NCAPD3: variants seen among roughly 807,000 people sequenced by gnomAD.
The protein encoded by NCAPD3 is non-SMC condensin II complex subunit D3, also known as condensin-2 complex subunit D3.
NCAPD3 carries 105 observed loss-of-function variants against 182.9 expected under a neutral mutation model. That is an observed-to-expected ratio of 0.57 (90% CI 0.49 to 0.68). The LOEUF is 0.68. NCAPD3 is among the 30% of genes least tolerant of loss of function. The pLI is 0.00. For missense variants in NCAPD3, 1,944 were observed against 1,837.0 expected (o/e 1.06, Z -1.07); for synonymous variants, 815 against 679.9 (o/e 1.20, Z -3.09).
At chr11:134,170,341 ATGT>A (rs372145521) in intron 24 of NCAPD3, among the ~76,000 whole-genome samples, 19 of 152,352 alleles carry the variant, frequency 1.2e-4, no homozygotes, top group African/African-American at 4.1e-4. Context: ...TGTACAAATT[ATGT>A]TGTTTAATGA....
At chr11:134,181,210 G>GA (rs1944289170) in intron 19 of NCAPD3, 26 bp from the exon 20 acceptor site, 4 of 1,503,722 alleles carry the variant, frequency 2.7e-6, no homozygotes, top group Non-Finnish European at 3.7e-6. Flanking sequence ...AGTCATCTCT[G>GA]AAGGGCCCCG....
intron 13 of NCAPD3, among the ~76,000 whole-genome samples, chr11:134,197,273 C>CTTTTTTTT (rs35691982): frequency 8.9e-6 from 1 of 111,976 alleles, no homozygotes; most frequent in South Asian, 3.0e-4. Context: ...AGTCTCACAT[C>CTTTTTTTT]TTTTTTTTTT....
chr11:134,170,215 T>C (rs1048499690), intron 24 of NCAPD3, among the ~76,000 whole-genome samples: 4 of 152,184 alleles, frequency 2.6e-5, no homozygotes, highest in Non-Finnish European at 5.9e-5. Context: ...CAGCTTGACC[T>C]AGAAATATGA....
At chr11:134,219,184 C>T (rs1316694331) in intron 2 of NCAPD3, among the ~76,000 whole-genome samples, 1 of 152,204 alleles carries the variant, frequency 6.6e-6, no homozygotes, top group African/African-American at 2.4e-5. Context: ...TGCCTTACAA[C>T]CCAAGCTTCT....
intron 27 of NCAPD3, among the ~76,000 whole-genome samples, chr11:134,163,177 G>A (rs371845586): frequency 3.9e-5 from 6 of 152,152 alleles, no homozygotes; most frequent in Non-Finnish European, 4.4e-5. Context: ...GAAGATGACA[G>A]GAAGCCACCA....
rs762186472 is a variant in NCAPD3, at chr11:134,192,827, T to C, written c.1907A>G (p.Gln636Arg). 8.1e-6 allele frequency: 13 copies of C among 1,614,090 alleles called. No individual in the cohort carries two copies. Among genetic ancestry groups the C allele is most frequent in the Non-Finnish European group, 1.0e-5 (12 of 1,180,020 alleles). ...PVVMDCESTV[Q>R]EKALEFLDQL... ...GTCCAGGAACTCCAGGGCCTTCTCC[T>C]GCACAGTGCTCTCGCAGTCCATCAC... The change falls in exon 16 of 35, where the codon CAG becomes CGG. Residue 636 changes from glutamine (Q) to arginine (R), a missense_variant. By Grantham distance (43) the Gln-to-Arg change is conservative. Around this residue, in one of 3 missense-constraint regions of NCAPD3, gnomAD observed 1,803 missense variants for 1,674.6 expected, o/e 1.08. Coordinates refer to ENST00000534548, the MANE Select transcript of NCAPD3 (RefSeq NM_015261.3).
At chr11:134,192,972 C>G (rs1944556028) in intron 15 of NCAPD3, 63 bp from the exon 16 acceptor site, 1 of 934,930 alleles carries the variant, frequency 1.1e-6, no homozygotes, top group African/African-American at 1.6e-5. Context: ...TTGTGATCAA[C>G]ATTTTGAGAT....
chr11:134,223,156 G>C, intron 1 of NCAPD3: 1 of 496,074 alleles, frequency 2.0e-6, no homozygotes, highest in Non-Finnish European at 3.6e-6. Context: ...CATTAAAGGT[G>C]TACAGGCTTG....
Position 134,204,016 on chromosome 11 carries a change from C to A in NCAPD3, c.1215+30G>T. On this transcript the variant is annotated intron_variant, in intron 10 of 34. Coordinates refer to ENST00000534548, the MANE Select transcript of NCAPD3 (RefSeq NM_015261.3). This position sits in a 1 kb window ranked among gnomAD's most constrained non-coding sequence, Gnocchi z 4.3. Reference sequence around the variant, plus strand: ...CCTTTTAAAAAGAGTTTAAAAAGGACCCAAGGTTTTATGCAGAGCTATCTC... The same window carrying A: ...CCTTTTAAAAAGAGTTTAAAAAGGAACCAAGGTTTTATGCAGAGCTATCTC... 2 of 1,609,506 alleles carry A rather than the reference C, an allele frequency of 1.2e-6. No individual in the cohort carries two copies. Among genetic ancestry groups the A allele is most frequent in the African/African-American group, 1.3e-5 (1 of 74,754 alleles).
chr11:134,170,563 G>A (rs894054428), intron 24 of NCAPD3, among the ~76,000 whole-genome samples: 16 of 152,156 alleles, frequency 1.1e-4, no homozygotes, highest in South Asian at 6.2e-4. Flanking sequence ...TCACATATAC[G>A]AAAATGTAAA....
At chr11:134,167,039 AGCT>A (rs1943844695) in intron 27 of NCAPD3, among the ~76,000 whole-genome samples, 2 of 95,982 alleles carry the variant, frequency 2.1e-5, no homozygotes, top group African/African-American at 1.0e-4. Flanking sequence ...AGCTTGGGGG[AGCT>A]GCACACTCAC....
Position 134,194,062 on chromosome 11 carries a change from A to G in NCAPD3, c.1778T>C (p.Val593Ala), listed in dbSNP as rs1308837348. Residue 593 changes from valine to alanine, a missense_variant, in exon 15 of 35, where the codon GTG becomes GCG. Physicochemically the swap from Val to Ala is moderately conservative, Grantham distance 64. Transcript: ENST00000534548. ...ILQDQCRDPA[V>A]SVRKQALQSL... Reference sequence around the variant, plus strand: ...CTGGAGGGCCTGCTTCCGGACAGACACTGCAGGGTCCCGACACTGGTCCTG... The same window carrying G: ...CTGGAGGGCCTGCTTCCGGACAGACGCTGCAGGGTCCCGACACTGGTCCTG... 4 of 1,614,174 alleles carry G rather than the reference A, an allele frequency of 2.5e-6. No homozygotes were observed.
intron 32 of NCAPD3, 40 bp from the exon 33 acceptor site, chr11:134,153,403 G>T: frequency 6.3e-7 from 1 of 1,596,186 alleles, no homozygotes; most frequent in Non-Finnish European, 8.6e-7. Flanking sequence ...AAGCCGCGTG[G>T]TCTATCGGAG....
At chr11:134,198,759 G>T (rs557351506) in intron 13 of NCAPD3, among the ~76,000 whole-genome samples, 11 of 152,272 alleles carry the variant, frequency 7.2e-5, no homozygotes, top group Admixed American at 6.5e-4. Flanking sequence ...TGGCAAGGTT[G>T]CAGGACAGAA....
At chr11:134,202,709 G>T in intron 13 of NCAPD3, 107 bp downstream of exon 13, 1 of 824,522 alleles carries the variant, frequency 1.2e-6, no homozygotes, top group Non-Finnish European at 1.9e-6. Context: ...ACTCTTAGGG[G>T]TGAATAAATC....
At chr11:134,153,224 A>C in intron 33 of NCAPD3, 24 bp from the exon 34 acceptor site, 1 of 1,613,990 alleles carries the variant, frequency 6.2e-7, no homozygotes, top group Non-Finnish European at 8.5e-7. Context: ...AAACAAACAC[A>C]TTCAGCTTTC....
intron 24 of NCAPD3, among the ~76,000 whole-genome samples, chr11:134,175,652 C>T (rs1944142881): frequency 6.6e-6 from 1 of 152,154 alleles, no homozygotes; most frequent in South Asian, 2.1e-4. Flanking sequence ...TTCTACTTTC[C>T]AACTGCAGAC....
chr11:134,156,176 C>T (rs1943414929), intron 32 of NCAPD3, among the ~76,000 whole-genome samples: 1 of 152,188 alleles, frequency 6.6e-6, no homozygotes. Context: ...CCCAGCTCTG[C>T]CCTCCCAGAA....
At chr11:134,177,911 T>C (rs1323618351) in intron 22 of NCAPD3, 3 of 104,490 alleles carry the variant, frequency 2.9e-5, no homozygotes. Context: ...TTCTTTCTTG[T>C]TCATAGTTGA....
Sources: allele counts gnomAD v4.1 joint callset (sites outside exome capture counted in the v4.1 genomes callset), GRCh38; gene constraint gnomAD v4.1.1; regional missense constraint gnomAD v4.1.1; non-coding constraint Gnocchi (gnomAD v3.1); transcripts MANE v1.5; gene names NCBI Gene and HGNC (gene_info 2026-07-23, HGNC 2026-07-21).